Variants in LAYN observed in about 807,000 individuals in gnomAD.
LAYN encodes layilin.
Under a neutral mutation model 43.6 loss-of-function variants are expected in LAYN, and 38 were observed. The observed-to-expected ratio is 0.87, with a 90% CI of 0.67 to 1.14. LAYN has a LOEUF of 1.14. Among genes scored for constraint, LAYN ranks in the 50% most tolerant of loss-of-function variants. The pLI, the probability that LAYN is intolerant of heterozygous loss-of-function variation, is 0.00. For synonymous variants in LAYN, 168 were observed against 172.9 expected (o/e 0.97, Z 0.22); for missense variants, 479 against 463.8 (o/e 1.03, Z -0.30).
chr11:111,554,137 G>GA (rs1185182364), intron 3 of LAYN, among the ~76,000 whole-genome samples: 2 of 152,046 alleles, frequency 1.3e-5, no homozygotes, highest in Non-Finnish European at 2.9e-5. Context: ...ATTATGAACT[G>GA]AAAAAATGTC....
intron 3 of LAYN, among the ~76,000 whole-genome samples, chr11:111,551,614 T>G (rs572867926): frequency 6.6e-6 from 1 of 152,256 alleles, no homozygotes; most frequent in Admixed American, 6.5e-5. Flanking sequence ...AACACCTTTG[T>G]ACCAAATGGA....
intron 3 of LAYN, 23 bp from the exon 4 acceptor site, chr11:111,554,538 G>T: frequency 1.3e-6 from 2 of 1,597,536 alleles, no homozygotes. Context: ...ACTTATTTTT[G>T]TTTTTGTTTC....
At position 111,561,202 on chromosome 11, in the gene LAYN, A is replaced by G. The variant is rs1207834044; in HGVS notation, c.*744A>G. On this transcript the variant is annotated 3_prime_UTR_variant, in exon 7 of 7. Transcript: ENST00000375614. Reference sequence around the variant, plus strand: ...TAGTGAGACTCTGACTCTACAAAAAATTTAAAAATTAGCAGGGCATGGTGG... The same window carrying G: ...TAGTGAGACTCTGACTCTACAAAAAGTTTAAAAATTAGCAGGGCATGGTGG... 1 of 152,278 alleles carries G rather than the reference A, an allele frequency of 6.6e-6. No individual in the cohort carries two copies. The highest frequency in any genetic ancestry group is 1.9e-4 in the East Asian group (1 of 5,186). The allele number at this position is 152,278 out of a possible 1,614,324, so 9.4% of individuals were successfully genotyped here.
intron 5 of LAYN, 60 bp downstream of exon 5, chr11:111,555,350 C>T: frequency 8.1e-7 from 1 of 1,241,260 alleles, no homozygotes; most frequent in Non-Finnish European, 1.2e-6. Context: ...TACAAATTAC[C>T]CATGGTTGAA....
chr11:111,560,324 T>C lies in LAYN; in HGVS notation c.991T>C (p.Ser331Pro). The change falls in exon 7 of 7, where the codon TCA becomes CCA. Residue 331 changes from serine to proline, a missense_variant. Transcript: ENST00000375614. ...CTATGACAACATGGCTGTGAACCCA[T>C]CAGAAAGTGGGTTTGTGACTCTGGT... ...CDYDNMAVNP[S>P]ESGFVTLVSV... 1.2e-6 allele frequency: 2 copies of C among 1,614,146 alleles called. No homozygotes were observed. The highest frequency in any genetic ancestry group is 1.7e-6 in the Non-Finnish European group (2 of 1,180,030).
At chr11:111,548,105 G>T (rs1591566108) in intron 2 of LAYN, among the ~76,000 whole-genome samples, 1 of 152,204 alleles carries the variant, frequency 6.6e-6, no homozygotes, top group Admixed American at 6.5e-5. Context: ...CCTGTCCCCA[G>T]TATGCTCCCA....
At chr11:111,555,487 T>A (rs1468212232) in intron 5 of LAYN, among the ~76,000 whole-genome samples, 197 bp downstream of exon 5, 1 of 152,120 alleles carries the variant, frequency 6.6e-6, no homozygotes, top group Non-Finnish European at 1.5e-5. Flanking sequence ...TATCCTAAGA[T>A]GACTGGGGAA....
intron 3 of LAYN, among the ~76,000 whole-genome samples, chr11:111,552,971 G>A (rs954268454): frequency 6.6e-6 from 1 of 152,054 alleles, no homozygotes; most frequent in African/African-American, 2.4e-5. Context: ...TGTGAGATTT[G>A]GGCAAGTTAC....
Position 111,544,087 on chromosome 11 carries a change from A to C in LAYN, c.250A>C (p.Lys84Gln). 6.2e-7 allele frequency: 1 copy of C among 1,614,188 alleles called. No homozygotes were observed. Among genetic ancestry groups the C allele is most frequent in the Non-Finnish European group, 8.5e-7 (1 of 1,180,036 alleles). ...TGAAGATGAACAGAAACTGATAGAAAAGTTCATTGAAAACCTCTTGCCATC... is the reference window on the plus strand; with the variant it reads ...TGAAGATGAACAGAAACTGATAGAACAGTTCATTGAAAACCTCTTGCCATC... ...ESEDEQKLIEKFIENLLPSDG... is the reference protein window; with the variant it reads ...ESEDEQKLIEQFIENLLPSDG... The change falls in exon 2 of 7, where the codon AAG becomes CAG. Residue 84 changes from lysine (K) to glutamine (Q), a missense_variant. Coordinates refer to ENST00000375614, the MANE Select transcript of LAYN (RefSeq NM_178834.5).
At chr11:111,543,569 C>T (rs577508824) in intron 1 of LAYN, among the ~76,000 whole-genome samples, 59 of 152,192 alleles carry the variant, frequency 3.9e-4, no homozygotes, top group Non-Finnish European at 7.2e-4. Flanking sequence ...ACATTATCCC[C>T]TGAGACTCCC....
chr11:111,544,409 A>G (rs1019049245), intron 2 of LAYN, among the ~76,000 whole-genome samples, 189 bp downstream of exon 2: 4 of 152,152 alleles, frequency 2.6e-5, no homozygotes, highest in African/African-American at 7.2e-5. Flanking sequence ...TTTGGGCCCA[A>G]CTGATGTCCA....
Position 111,549,767 on chromosome 11 carries a change from A to G in LAYN, c.533A>G (p.Tyr178Cys). The G allele has an allele frequency of 6.2e-7, 1 of 1,602,682 alleles. No individual in the cohort carries two copies. The highest frequency in any genetic ancestry group is 8.5e-7 in the Non-Finnish European group (1 of 1,175,756). Residue 178 changes from tyrosine (Y) to cysteine (C), a missense_variant, in exon 3 of 7, where the codon TAT becomes TGT. By Grantham distance (194) the Tyr-to-Cys change is radical. Coordinates refer to ENST00000375614, the MANE Select transcript of LAYN (RefSeq NM_178834.5). ...CNMKNNFICK[Y>C]SDEKPAVPSR... is the part of the protein sequence containing the mutation. ...ATGAAGAACAATTTCATTTGCAAAT[A>G]TTCTGATGGTAATGAATCCTCTCCC... is the stretch of plus-strand genomic sequence containing the variant.
chr11:111,545,900 A>G (rs557657472), intron 2 of LAYN, among the ~76,000 whole-genome samples: 168 of 152,334 alleles, frequency 1.1e-3, no homozygotes, highest in African/African-American at 3.7e-3. Context: ...CTTGCCACCA[A>G]GTGCTATGTT....
chr11:111,543,910 C>T lies in LAYN; in HGVS notation c.86-13C>T, dbSNP rs766602564. On this transcript the variant is annotated splice_polypyrimidine_tract_variant and intron_variant, in intron 1 of 6. Transcript: ENST00000375614. ...TTGAGACACTGAAATAGATTGGCTTCTTTTTTCTCTAGGGCAGCCAGTCTG... is the reference window on the plus strand; with the variant it reads ...TTGAGACACTGAAATAGATTGGCTTTTTTTTTCTCTAGGGCAGCCAGTCTG... 1.9e-6 allele frequency: 3 copies of T among 1,593,186 alleles called. No individual in the cohort carries two copies. The highest frequency in any genetic ancestry group is 1.1e-5 in the South Asian group (1 of 87,138).
Position 111,549,735 on chromosome 11 carries a change from G to A in LAYN, c.501G>A (p.Arg167=), listed in dbSNP as rs143228822. The change falls in exon 3 of 7, where the codon CGG becomes CGA. Residue 167 remains arginine, a synonymous_variant. Transcript: ENST00000375614. ...ACATGTTCCAGTGGAATGATGACCG[G>A]TGCAACATGAAGAACAATTTCATTT... is the stretch of plus-strand genomic sequence containing the variant. ...GPYMFQWNDD[R]CNMKNNFICK... is the part of the protein sequence containing the mutation. 1.1e-5 allele frequency: 17 copies of A among 1,605,930 alleles called. No individual in the cohort carries two copies. Among genetic ancestry groups the A allele is most frequent in the African/African-American group, 4.0e-5 (3 of 74,418 alleles).
At chr11:111,545,602 C>T (rs1304146427) in intron 2 of LAYN, among the ~76,000 whole-genome samples, 2 of 152,182 alleles carry the variant, frequency 1.3e-5, no homozygotes, top group African/African-American at 4.8e-5. Context: ...TCCCTGGACA[C>T]AAAGATTCCA....
At chr11:111,543,173 C>T (rs984144649) in intron 1 of LAYN, among the ~76,000 whole-genome samples, 2 of 152,172 alleles carry the variant, frequency 1.3e-5, no homozygotes, top group African/African-American at 4.8e-5. Context: ...CTGATGATCA[C>T]TGTGTGATCT....
chr11:111,559,402 C>T (rs1867904846), intron 6 of LAYN, among the ~76,000 whole-genome samples: 1 of 151,882 alleles, frequency 6.6e-6, no homozygotes, highest in Admixed American at 6.6e-5. Context: ...CTAAATTTCA[C>T]TTATGGATGA....
At chr11:111,551,195 G>C (rs1051428647) in intron 3 of LAYN, 2 of 373,924 alleles carry the variant, frequency 5.3e-6, no homozygotes, top group South Asian at 4.1e-5. Flanking sequence ...AAGAGGACCC[G>C]CCCAACAGGA....
Sources: gnomAD v4.1 joint callset for allele counts (sites outside exome capture counted in the v4.1 genomes callset) on GRCh38, gnomAD v4.1.1 for gene constraint, MANE v1.5 for transcripts, NCBI Gene and HGNC (gene_info 2026-07-23, HGNC 2026-07-21) for gene names.